PTPRG: variants seen among roughly 807,000 people sequenced by gnomAD.
PTPRG encodes the protein receptor-type tyrosine-protein phosphatase gamma.
Under a neutral mutation model 165.3 loss-of-function variants are expected in PTPRG, and 102 were observed. The ratio of observed to expected loss-of-function variants is 0.62; its 90% CI spans 0.53 to 0.73. The LOEUF (loss-of-function observed/expected upper bound fraction) is 0.73, where lower values mean the gene tolerates loss of function less well. Ranked by LOEUF, PTPRG falls within the 30% of genes least tolerant of loss-of-function variation. PTPRG has a pLI of 0.00. For missense variants in PTPRG, 1,866 were observed against 1,861.4 expected (o/e 1.00, Z -0.05); for synonymous variants, 675 against 669.5 (o/e 1.01, Z -0.13).
Position 62,217,081 on chromosome 3 carries a change from C to G in PTPRG, c.2156-1770C>G, listed in dbSNP as rs1044561641. The stretch of plus-strand genomic sequence containing the variant: ...ATTCCTCCCCATGGGTACAGCAGTG[C>G]TACTATCTGATGTACTGATGTGTCC... On this transcript the variant is annotated intron_variant, in intron 12 of 29. Coordinates refer to ENST00000474889, the MANE Select transcript of PTPRG (RefSeq NM_002841.4). The surrounding 1 kb of genome is among the most constrained non-coding windows in gnomAD (Gnocchi z 4.3). 6.6e-6 allele frequency among the ~76,000 whole-genome samples: 1 copy of G among 152,214 alleles called. No individual in the cohort carries two copies. The highest frequency in any genetic ancestry group is 1.5e-5 in the Non-Finnish European group (1 of 68,036).
intron 1 of PTPRG, among the ~76,000 whole-genome samples, chr3:61,677,746 G>A (rs1703283065): frequency 6.6e-6 from 1 of 152,168 alleles, no homozygotes; most frequent in Non-Finnish European, 1.5e-5. Context: ...CAGAGTGGTA[G>A]AGTGGCTTGC....
intron 12 of PTPRG, among the ~76,000 whole-genome samples, chr3:62,218,155 G>A (rs557523671): frequency 1.3e-5 from 2 of 152,304 alleles, no homozygotes; most frequent in African/African-American, 4.8e-5. Context: ...GGGATGTGCT[G>A]TTGCTCAGTC....
intron 1 of PTPRG, among the ~76,000 whole-genome samples, chr3:61,644,570 T>A (rs1405828550): frequency 1.3e-5 from 2 of 152,156 alleles, no homozygotes; most frequent in Non-Finnish European, 2.9e-5. Context: ...GCATCTCGTA[T>A]TTGTGCACAC....
At chr3:61,617,522 G>A (rs940840230) in intron 1 of PTPRG, among the ~76,000 whole-genome samples, 5 of 152,194 alleles carry the variant, frequency 3.3e-5, no homozygotes, top group African/African-American at 1.2e-4. Context: ...CCAAGAACCA[G>A]ATGGCCTTCA....
intron 2 of PTPRG, among the ~76,000 whole-genome samples, chr3:61,962,000 G>C (rs1401479578): frequency 6.6e-6 from 1 of 152,174 alleles, no homozygotes; most frequent in Non-Finnish European, 1.5e-5. Flanking sequence ...CCTACACTGA[G>C]TTAAATTGCC....
chr3:62,129,799 C>G (rs1382121826), intron 5 of PTPRG, among the ~76,000 whole-genome samples: 2 of 152,162 alleles, frequency 1.3e-5, no homozygotes, highest in East Asian at 1.9e-4. Flanking sequence ...GATCCAAGAT[C>G]AGAGTATCTG....
At chr3:61,749,123 C>G (rs749443360) in intron 2 of PTPRG, 141 bp downstream of exon 2, 1 of 775,620 alleles carries the variant, frequency 1.3e-6, no homozygotes, top group Non-Finnish European at 2.2e-6. Flanking sequence ...TTGAAATATT[C>G]GAGCCTGTTT....
At chr3:61,991,678 G>C (rs2040894672) in intron 3 of PTPRG, among the ~76,000 whole-genome samples, 1 of 152,206 alleles carries the variant, frequency 6.6e-6, no homozygotes, top group Non-Finnish European at 1.5e-5. Context: ...TAGTGGGCGA[G>C]AGCTTTGCCA....
At chr3:61,917,487 G>A (rs1292256142) in intron 2 of PTPRG, among the ~76,000 whole-genome samples, 1 of 152,176 alleles carries the variant, frequency 6.6e-6, no homozygotes, top group East Asian at 1.9e-4. Flanking sequence ...TGTGAGCCAT[G>A]TATGAAGCTC....
intron 4 of PTPRG, among the ~76,000 whole-genome samples, chr3:62,049,519 C>T (rs920457710): frequency 2.0e-5 from 3 of 152,072 alleles, no homozygotes; most frequent in Admixed American, 6.6e-5. Context: ...ATCTTTTACT[C>T]GGTAACTTTC....
At chr3:62,008,814 G>C (rs1489294806) in intron 4 of PTPRG, among the ~76,000 whole-genome samples, 1 of 152,182 alleles carries the variant, frequency 6.6e-6, no homozygotes. Flanking sequence ...GCTCCTATGA[G>C]AATGTACTGC....
At chr3:61,832,314 T>C (rs975992458) in intron 2 of PTPRG, among the ~76,000 whole-genome samples, 1 of 152,222 alleles carries the variant, frequency 6.6e-6, no homozygotes, top group Admixed American at 6.5e-5. Flanking sequence ...AACTATCTCT[T>C]TTTAAAAACA....
chr3:62,069,422 G>C (rs1005358128), intron 4 of PTPRG, among the ~76,000 whole-genome samples: 1 of 152,158 alleles, frequency 6.6e-6, no homozygotes, highest in South Asian at 2.1e-4. Flanking sequence ...TGTAACAGGG[G>C]CTACATTCTC....
rs1187072784 is a variant in PTPRG at position 62,294,530 on chromosome 3, G to GTAGTT, written c.*1227_*1231dup. On this transcript the variant is annotated 3_prime_UTR_variant, in exon 30 of 30. Transcript: ENST00000474889. ...GGGAGATGGCTTTGTATGCTTTTGT[G>GTAGTT]TAGTTTAGAACAGATACACATTAGT... 1.3e-5 allele frequency: 2 copies of GTAGTT among 152,064 alleles called. No individual in the cohort carries two copies. The highest frequency in any genetic ancestry group is 4.8e-5 in the African/African-American group (2 of 41,392). The allele number at this position is 152,064 out of a possible 1,614,324, so 9.4% of individuals were successfully genotyped here.
intron 1 of PTPRG, among the ~76,000 whole-genome samples, chr3:61,628,069 T>G (rs553881504): frequency 6.6e-6 from 1 of 152,292 alleles, no homozygotes; most frequent in East Asian, 1.9e-4. Context: ...GACAGATATA[T>G]CCCTAGTCTC....
At chr3:61,719,529 G>C (rs138448137) in intron 1 of PTPRG, among the ~76,000 whole-genome samples, 178 of 152,300 alleles carry the variant, frequency 1.2e-3, no homozygotes, top group African/African-American at 4.1e-3. Context: ...TGGTGTCTTT[G>C]TCAGCAGGCT....
chr3:62,092,333 G>T (rs184973570), intron 5 of PTPRG, among the ~76,000 whole-genome samples: 101 of 151,004 alleles, frequency 6.7e-4, no homozygotes, highest in African/African-American at 2.4e-3. Flanking sequence ...CCTGCTGCTC[G>T]GGAGGCCGAG....
At position 62,214,720 on chromosome 3, in the gene PTPRG, C is replaced by G. The variant is rs1700456053; in HGVS notation, c.2156-4131C>G. ...TGCCAGGCACACTTCTAGGTGCTTA[C>G]ATGCACCTTCTCATTGAATTCCCCA... On this transcript the variant is annotated intron_variant, in intron 12 of 29. Transcript: ENST00000474889. This position sits in a 1 kb window ranked among gnomAD's most constrained non-coding sequence, Gnocchi z 5.2. Among the ~76,000 whole-genome samples, 2 of 152,208 alleles carry G rather than the reference C, an allele frequency of 1.3e-5. No individual in the cohort carries two copies. The highest frequency in any genetic ancestry group is 4.8e-5 in the African/African-American group (2 of 41,446).
intron 12 of PTPRG, among the ~76,000 whole-genome samples, chr3:62,205,390 G>T (rs1700203366): frequency 6.6e-6 from 1 of 152,212 alleles, no homozygotes; most frequent in South Asian, 2.1e-4. Flanking sequence ...GAGGCACCAG[G>T]CTAGGCTTTG....
Sources: allele counts gnomAD v4.1 joint callset (sites outside exome capture counted in the v4.1 genomes callset), GRCh38; gene constraint gnomAD v4.1.1; non-coding constraint Gnocchi (gnomAD v3.1); transcripts MANE v1.5; gene names NCBI Gene and HGNC (gene_info 2026-07-23, HGNC 2026-07-21).